PRKDC: variants seen among roughly 807,000 people sequenced by gnomAD.
PRKDC encodes DNA-dependent protein kinase catalytic subunit.
In PRKDC, 82 loss-of-function variants were observed where a neutral mutation model predicts 486.9. That is an observed-to-expected ratio of 0.17 (90% CI 0.14 to 0.20). PRKDC has a LOEUF of 0.20. Among genes scored for constraint, PRKDC ranks in the 10% least tolerant of loss-of-function variants. The pLI is 1.00. For synonymous variants in PRKDC, 1,895 were observed against 1,837.0 expected, an observed-to-expected ratio of 1.03 and a Z score of -0.81; for missense variants, 4,504 against 5,038.2, an observed-to-expected ratio of 0.89 and a Z score of 3.21.
At chr8:47,921,229 TG>T in intron 21 of PRKDC, among the ~76,000 whole-genome samples, 3 of 150,916 alleles carry the variant, frequency 2.0e-5, no homozygotes, top group African/African-American at 7.3e-5. Flanking sequence ...CGCTCCAGCC[TG>T]GGCGACAGAG....
chr8:47,877,930 T>C (rs1202354923), intron 39 of PRKDC, 79 bp from the exon 40 acceptor site: 2 of 1,066,270 alleles, frequency 1.9e-6, no homozygotes, highest in East Asian at 3.3e-5. Context: ...ATACTAAAAA[T>C]ATAAAAAGTT....
At chr8:47,909,547 G>C (rs1170169473) in intron 25 of PRKDC, among the ~76,000 whole-genome samples, 2 of 152,278 alleles carry the variant, frequency 1.3e-5, no homozygotes, top group South Asian at 4.1e-4. Context: ...CGATTTTCAG[G>C]TAACAAGCAA....
Position 47,890,320 on chromosome 8 carries a change from G to A in PRKDC, c.4008C>T (p.Thr1336=), listed in dbSNP as rs759012986. 5 of 1,613,142 alleles carry A rather than the reference G, an allele frequency of 3.1e-6. No individual in the cohort carries two copies. The highest frequency in any genetic ancestry group is 4.2e-6 in the Non-Finnish European group (5 of 1,179,824). The change falls in exon 32 of 86, where the codon ACC becomes ACT. Residue 1336 remains threonine, a synonymous_variant. Coordinates refer to ENST00000314191, the MANE Select transcript of PRKDC (RefSeq NM_006904.7). The part of the protein sequence containing the change: ...EGERYNYSKC[T]VVVRIMEFTT... ...TAAACTCCATAATCCGGACCACAACGGTGCATTTGCTGTAGTTGTACCTTT... is the reference window on the plus strand; with the variant it reads ...TAAACTCCATAATCCGGACCACAACAGTGCATTTGCTGTAGTTGTACCTTT...
chr8:47,834,082 G>T, intron 59 of PRKDC, 114 bp downstream of exon 59: 1 of 1,351,270 alleles, frequency 7.4e-7, no homozygotes, highest in Non-Finnish European at 1.0e-6. Context: ...ATTTTAAAGG[G>T]CTTGATTACG....
intron 33 of PRKDC, 138 bp downstream of exon 33, chr8:47,888,876 T>C: frequency 9.3e-7 from 1 of 1,076,888 alleles, no homozygotes; most frequent in Non-Finnish European, 1.3e-6. Context: ...TCTAAACAAC[T>C]ATTGAGGTCA....
intron 18 of PRKDC, among the ~76,000 whole-genome samples, chr8:47,929,554 C>T (rs958818300): frequency 3.3e-5 from 5 of 152,196 alleles, no homozygotes; most frequent in African/African-American, 9.7e-5. Flanking sequence ...CAGAGACCTG[C>T]CCCCAAGGTT....
At chr8:47,831,120 C>T (rs2087859683) in intron 60 of PRKDC, among the ~76,000 whole-genome samples, 1 of 152,170 alleles carries the variant, frequency 6.6e-6, no homozygotes, top group Non-Finnish European at 1.5e-5. Context: ...TCCCAGGCAG[C>T]TGCAGAGCCC....
At chr8:47,934,892 G>C (rs2090322359) in intron 14 of PRKDC, 117 bp downstream of exon 14, 3 of 701,880 alleles carry the variant, frequency 4.3e-6, no homozygotes, top group Non-Finnish European at 7.2e-6. Context: ...GTAAGGCATT[G>C]CTAATAACTA....
At position 47,785,158 on chromosome 8, in the gene PRKDC, T is replaced by C. The variant is rs1377279046; in HGVS notation, c.11062A>G (p.Ser3688Gly). 2 of 1,613,872 alleles carry C rather than the reference T, an allele frequency of 1.2e-6. No individual in the cohort carries two copies. Among genetic ancestry groups the C allele is most frequent in the African/African-American group, 1.3e-5 (1 of 74,928 alleles). The change falls in exon 77 of 86, where the codon AGC (serine) becomes GGC (glycine). Residue 3688 changes from serine to glycine, a missense_variant. By Grantham distance (56) the Ser-to-Gly change is moderately conservative. Around this residue, in one of 6 missense-constraint regions of PRKDC, gnomAD observed 706 missense variants for 945.0 expected, o/e 0.75. Transcript: ENST00000314191. ...GNLKECSPWM[S>G]DFKVEFLRNE... ...CTCAGGAACTCCACTTTGAAGTCGC[T>C]CATCCAGGGTGAACATTCTTTCAGA... is the stretch of plus-strand genomic sequence containing the variant.
At chr8:47,789,751 A>C (rs931747766) in intron 74 of PRKDC, among the ~76,000 whole-genome samples, 1 of 152,232 alleles carries the variant, frequency 6.6e-6, no homozygotes, top group Non-Finnish European at 1.5e-5. Flanking sequence ...GGATAGATCA[A>C]ATCAATCAAG....
chr8:47,955,461 C>T (rs1403475225), intron 4 of PRKDC, among the ~76,000 whole-genome samples: 1 of 18,536 alleles, frequency 5.4e-5, no homozygotes, highest in Non-Finnish European at 1.3e-4. Flanking sequence ...GACTCCGTCT[C>T]AAAAAAAAAA....
rs201035039 is a variant in PRKDC, at chr8:47,934,228, AT to A, written c.1498-139del. 1.0e-3 allele frequency: 1,097 copies of A among 1,074,634 alleles called. 7 individuals carry two copies. In the African/African-American group the frequency reaches 0.016, roughly 16 times the overall value. 66.6% of individuals were successfully genotyped at this position (1,074,634 alleles called of 1,614,324 possible). ...ACCATATGATTAAGGAAGACATCGT[AT>A]TAAAAAAGCATAATTTAAAAAGCTA... On this transcript the variant is annotated intron_variant, in intron 14 of 85. Transcript: ENST00000314191.
intron 76 of PRKDC, among the ~76,000 whole-genome samples, chr8:47,785,813 T>C (rs1326574942): frequency 6.6e-6 from 1 of 151,964 alleles, no homozygotes; most frequent in African/African-American, 2.4e-5. Flanking sequence ...CTTTTGTTTC[T>C]TGTGTTCCAT....
At chr8:47,946,546 G>A (rs918062069) in intron 7 of PRKDC, among the ~76,000 whole-genome samples, 3 of 151,972 alleles carry the variant, frequency 2.0e-5, no homozygotes, top group South Asian at 2.1e-4. Context: ...CACCGGATGC[G>A]AGGCAGCCCT....
intron 54 of PRKDC, among the ~76,000 whole-genome samples, chr8:47,847,364 C>T (rs1184627688): frequency 1.3e-5 from 2 of 152,158 alleles, no homozygotes; most frequent in East Asian, 3.8e-4. Flanking sequence ...GCCGAACCAT[C>T]TGATCTTTGA....
chr8:47,830,341 T>C (rs1170819807), intron 61 of PRKDC, among the ~76,000 whole-genome samples: 1 of 152,168 alleles, frequency 6.6e-6, no homozygotes, highest in Non-Finnish European at 1.5e-5. Context: ...ACAAATGCAG[T>C]GGTAATCCTG....
At position 47,915,127 on chromosome 8, in the gene PRKDC, TA is replaced by T. The variant is rs2089966076; in HGVS notation, c.2617+200del. 2.0e-5 allele frequency among the ~76,000 whole-genome samples: 3 copies of T among 152,340 alleles called. No individual in the cohort carries two copies. The South Asian group carries it at 6.2e-4, about 32-fold the overall frequency. On this transcript the variant is annotated intron_variant, in intron 23 of 85. Transcript: ENST00000314191. ...ATGCTTAACAAGTCAAGCTAGAACATATGTTCTACCAGTATACTGAATTATT... is the reference window on the plus strand; with the variant it reads ...ATGCTTAACAAGTCAAGCTAGAACATTGTTCTACCAGTATACTGAATTATT...
Position 47,912,457 on chromosome 8 carries a change from T to C in PRKDC, c.2887A>G (p.Lys963Glu), listed in dbSNP as rs764099792. The part of the protein sequence containing the change: ...QGAPPMYQLY[K>E]RTFPVLLRLA... ...CGAAGCAGCACAGGAAACGTCCGCT[T>C]ATAGAGCTGGTACATGGGTGGGGCT... is the stretch of plus-strand genomic sequence containing the variant. Residue 963 changes from lysine to glutamate, a missense_variant, in exon 25 of 86, where the codon AAG becomes GAG. Physicochemically the swap from Lys to Glu is moderately conservative, Grantham distance 56 (BLOSUM62 1). Around this residue, in one of 6 missense-constraint regions of PRKDC, gnomAD observed 1,969 missense variants for 2,068.9 expected, o/e 0.95. Coordinates refer to ENST00000314191, the MANE Select transcript of PRKDC (RefSeq NM_006904.7). 6.2e-6 allele frequency: 10 copies of C among 1,611,164 alleles called. No individual in the cohort carries two copies. Among genetic ancestry groups the C allele is most frequent in the Admixed American group, 3.4e-5 (2 of 59,644 alleles).
chr8:47,920,557 G>T (rs902745265), intron 21 of PRKDC, among the ~76,000 whole-genome samples: 48 of 152,138 alleles, frequency 3.2e-4, no homozygotes, highest in African/African-American at 1.2e-3. Context: ...AACTAACAGT[G>T]TTTTAAATGT....
Sources: gnomAD v4.1 joint callset for allele counts (sites outside exome capture counted in the v4.1 genomes callset) on GRCh38, gnomAD v4.1.1 for gene constraint, gnomAD v4.1.1 regional missense constraint, MANE v1.5 for transcripts, NCBI Gene and HGNC (gene_info 2026-07-23, HGNC 2026-07-21) for gene names.